Variants in MACC1 observed in about 807,000 individuals in gnomAD.
MACC1 encodes the protein metastasis-associated in colon cancer protein 1.
In MACC1, 79 loss-of-function variants were observed where a neutral mutation model predicts 70.7. That is an observed-to-expected ratio of 1.12 (90% CI 0.93 to 1.35). The LOEUF is 1.35. Among genes scored for constraint, MACC1 ranks in the 40% most tolerant of loss-of-function variants. The probability of loss-of-function intolerance (pLI) is 0.00; values close to 1 mark genes in which losing one functional copy is unlikely to be tolerated. For missense variants in MACC1, 1,106 were observed against 978.1 expected, an observed-to-expected ratio of 1.13 and a Z score of -1.74; for synonymous variants, 361 against 347.2, an observed-to-expected ratio of 1.04 and a Z score of -0.44.
chr7:20,160,086 T>C lies in MACC1; in HGVS notation c.275A>G (p.Asn92Ser). 6.2e-7 allele frequency: 1 copy of C among 1,612,016 alleles called. No individual in the cohort carries two copies. The highest frequency in any genetic ancestry group is 8.5e-7 in the Non-Finnish European group (1 of 1,179,412). The part of the protein sequence containing the change: ...TQLRNNRKRN[N>S]ISILKEDPFL... ...AGGATCTTCCTTTAAGATGGAAATA[T>C]TATTTCTCTTCCTGTTATTTCTTAG... Residue 92 changes from asparagine (N) to serine (S), a missense_variant, in exon 5 of 7, where the codon AAT becomes AGT. Physicochemically the swap from Asn to Ser is conservative, Grantham distance 46. Coordinates refer to ENST00000400331, the MANE Select transcript of MACC1 (RefSeq NM_182762.4).
At chr7:20,169,516 A>G (rs2128104176) in intron 2 of MACC1, among the ~76,000 whole-genome samples, 1 of 152,324 alleles carries the variant, frequency 6.6e-6, no homozygotes, top group Non-Finnish European at 1.5e-5. Context: ...TTTCTAGCAA[A>G]CTGAGCCAAA....
chr7:20,204,943 C>T (rs1782889411), intron 1 of MACC1, among the ~76,000 whole-genome samples: 1 of 152,104 alleles, frequency 6.6e-6, no homozygotes, highest in Non-Finnish European at 1.5e-5. Context: ...AAGAGCCTCT[C>T]CTAGCACCCT....
In MACC1 at chr7:20,159,748, C is replaced by A; in HGVS notation, c.613G>T (p.Ala205Ser). Residue 205 changes from alanine to serine, a missense_variant, in exon 5 of 7, where the codon GCC becomes TCC. Ala to Ser is a moderately conservative substitution (Grantham distance 99). Transcript: ENST00000400331. ...LNTISQSPGWAQTQLAEVTIA... is the reference protein window; with the variant it reads ...LNTISQSPGWSQTQLAEVTIA... ...GTGACCTCCGCAAGTTGTGTCTGGG[C>A]CCATCCAGGGCTCTGACTAATTGTA... The A allele has an allele frequency of 1.9e-6, 3 of 1,614,104 alleles. No homozygotes were observed. The highest frequency in any genetic ancestry group is 2.5e-6 in the Non-Finnish European group (3 of 1,180,010).
chr7:20,154,194 T>C lies in MACC1; in HGVS notation c.2345A>G (p.Glu782Gly). ...HRGNTGDVAVEMMWKPAYDFL... is the reference protein window; with the variant it reads ...HRGNTGDVAVGMMWKPAYDFL... ...GAATTACACAAACAGAAGTCTTACC[T>C]CAACAGCAACATCTCCAGTGTTTCC... Residue 782 changes from glutamate (E) to glycine (G), a missense_variant and splice_region_variant, in exon 6 of 7, where the codon GAG becomes GGG. Coordinates refer to ENST00000400331, the MANE Select transcript of MACC1 (RefSeq NM_182762.4). The C allele has an allele frequency of 6.2e-7, 1 of 1,613,866 alleles. No homozygotes were observed. Among genetic ancestry groups the C allele is most frequent in the Non-Finnish European group, 8.5e-7 (1 of 1,179,816 alleles).
At chr7:20,184,093 C>G (rs145651671) in intron 1 of MACC1, among the ~76,000 whole-genome samples, 26 of 152,180 alleles carry the variant, frequency 1.7e-4, no homozygotes, top group Admixed American at 5.9e-4. Context: ...AGTTCCAACA[C>G]TGTAGTCATT....
rs531467462 is a variant in MACC1, at chr7:20,188,945, G to A, written c.-217-18167C>T. Among the ~76,000 whole-genome samples, 22 of 152,158 alleles carry A rather than the reference G, an allele frequency of 1.4e-4. No individual in the cohort carries two copies. The South Asian group carries it at 4.6e-3, about 32-fold the overall frequency. Reference sequence around the variant, plus strand: ...ATATGGCTTTATTCTTTAACATCTGGCCTTGTTTCTTGTGTGAATTCATCT... The same window carrying A: ...ATATGGCTTTATTCTTTAACATCTGACCTTGTTTCTTGTGTGAATTCATCT... On this transcript the variant is annotated intron_variant, in intron 1 of 6. Coordinates refer to ENST00000400331, the MANE Select transcript of MACC1 (RefSeq NM_182762.4).
chr7:20,192,876 T>A (rs542260489), intron 1 of MACC1, among the ~76,000 whole-genome samples: 12 of 152,310 alleles, frequency 7.9e-5, no homozygotes, highest in African/African-American at 2.9e-4. Context: ...ACTGATGAAA[T>A]TGAAAAGTAC....
chr7:20,212,570 T>G (rs1783014359), intron 1 of MACC1, among the ~76,000 whole-genome samples: 1 of 152,074 alleles, frequency 6.6e-6, no homozygotes, highest in South Asian at 2.1e-4. Context: ...CGGAGCTAGG[T>G]GTCATTTTAA....
At chr7:20,171,040 G>C (rs1452999286) in intron 1 of MACC1, among the ~76,000 whole-genome samples, 1 of 152,122 alleles carries the variant, frequency 6.6e-6, no homozygotes, top group Non-Finnish European at 1.5e-5. Flanking sequence ...ACAGAACGGT[G>C]TGCAACAGTA....
In MACC1 at chr7:20,159,515, T is replaced by G. The variant is rs746945314; in HGVS notation, c.846A>C (p.Thr282=). The stretch of plus-strand genomic sequence containing the variant: ...TCATCTCCAGCAAAAGGGCTTCCAT[T>G]GTATTGAGGTTGCCTAACATGATTT... ...LLEIMLGNLN[T]MEALLLEMKI... is the part of the protein sequence containing the mutation. The change falls in exon 5 of 7, where the codon ACA becomes ACC. Residue 282 remains threonine, a synonymous_variant. Transcript: ENST00000400331. 9 of 1,613,978 alleles carry G rather than the reference T, an allele frequency of 5.6e-6. No homozygotes were observed. The highest frequency in any genetic ancestry group is 1.6e-4 in the Middle Eastern group (1 of 6,084).
At chr7:20,149,873 T>C (rs1402807481) in intron 6 of MACC1, among the ~76,000 whole-genome samples, 3 of 152,252 alleles carry the variant, frequency 2.0e-5, no homozygotes, top group Non-Finnish European at 4.4e-5. Flanking sequence ...TTATCATTAG[T>C]ATAATACAGT....
chr7:20,169,226 T>A (rs1469790296), intron 2 of MACC1, among the ~76,000 whole-genome samples: 1 of 152,194 alleles, frequency 6.6e-6, no homozygotes, highest in Non-Finnish European at 1.5e-5. Context: ...CTTTAAGCAA[T>A]AGATGTTTCA....
chr7:20,172,108 T>C (rs1412347020), intron 1 of MACC1, among the ~76,000 whole-genome samples: 1 of 152,160 alleles, frequency 6.6e-6, no homozygotes, highest in African/African-American at 2.4e-5. Context: ...TCCCACACAA[T>C]CTTCAGAAAA....
chr7:20,153,861 C>T (rs1782016304), intron 6 of MACC1, among the ~76,000 whole-genome samples: 1 of 152,150 alleles, frequency 6.6e-6, no homozygotes, highest in Admixed American at 6.5e-5. Flanking sequence ...GATCCTGTCT[C>T]CCACCTTCAA....
In MACC1 at chr7:20,141,118, C is replaced by G; in HGVS notation, c.2387G>C (p.Ser796Thr). The G allele has an allele frequency of 6.2e-7, 1 of 1,610,116 alleles. No homozygotes were observed. The highest frequency in any genetic ancestry group is 1.7e-5 in the Admixed American group (1 of 59,514). Residue 796 changes from serine to threonine, a missense_variant, in exon 7 of 7, where the codon AGT (serine) becomes ACT (threonine). Coordinates refer to ENST00000400331, the MANE Select transcript of MACC1 (RefSeq NM_182762.4). ...TCTGTAGTTATTTCCATAGTGAGCA[C>G]TCCAGGTATACAGAAAATCATAGGC... ...KPAYDFLYTW[S>T]AHYGNNYRDV...
Position 20,165,268 on chromosome 7 carries a change from T to C in MACC1, c.-152-869A>G, listed in dbSNP as rs1330857925. On this transcript the variant is annotated intron_variant, in intron 2 of 6. Coordinates refer to ENST00000400331, the MANE Select transcript of MACC1 (RefSeq NM_182762.4). ...TGTTTCTAATCCAGAAGGTCTGGGA[T>C]TGTGCACAAGAATTTTATTTCTAAC... Among the ~76,000 whole-genome samples the C allele has an allele frequency of 4.6e-5, 7 of 152,244 alleles. No individual in the cohort carries two copies. In the South Asian group the frequency reaches 6.2e-4, roughly 14 times the overall value.
chr7:20,156,618 A>G (rs576413075), intron 5 of MACC1, among the ~76,000 whole-genome samples: 2 of 152,236 alleles, frequency 1.3e-5, no homozygotes, highest in Admixed American at 6.5e-5. Context: ...TCAGTCTCCA[A>G]TAGTTCTGAA....
At chr7:20,156,965 C>T (rs1487108897) in intron 5 of MACC1, among the ~76,000 whole-genome samples, 1 of 152,142 alleles carries the variant, frequency 6.6e-6, no homozygotes, top group African/African-American at 2.4e-5. Context: ...ATACACAGTA[C>T]TTATACAAAC....
intron 2 of MACC1, among the ~76,000 whole-genome samples, chr7:20,167,625 G>T (rs1782239962): frequency 6.6e-6 from 1 of 151,072 alleles, no homozygotes; most frequent in South Asian, 2.1e-4. Context: ...ACACATTTTT[G>T]AACTCTACAC....
Sources: gnomAD v4.1 joint callset for allele counts (sites outside exome capture counted in the v4.1 genomes callset) on GRCh38, gnomAD v4.1.1 for gene constraint, MANE v1.5 for transcripts, NCBI Gene and HGNC (gene_info 2026-07-23, HGNC 2026-07-21) for gene names.